Variants in LRBA observed in about 807,000 individuals in gnomAD.
The protein encoded by LRBA is LPS responsive beige-like anchor protein.
LRBA carries 176 observed loss-of-function variants against 330.0 expected under a neutral mutation model. That is an observed-to-expected ratio of 0.53 (90% CI 0.47 to 0.60). The LOEUF is 0.60. Ranked by LOEUF, LRBA falls within the 20% of genes least tolerant of loss-of-function variation. The probability of loss-of-function intolerance (pLI) is 0.00; values close to 1 mark genes in which losing one functional copy is unlikely to be tolerated. For missense variants in LRBA, 3,259 were observed against 3,444.8 expected (o/e 0.95, Z 1.35); for synonymous variants, 1,230 against 1,193.0 (o/e 1.03, Z -0.64).
Position 151,014,775 on chromosome 4 carries a change from G to A in LRBA, c.-133C>T, listed in dbSNP as rs114019473. On this transcript the variant is annotated 5_prime_UTR_variant, in exon 2 of 57. Coordinates refer to ENST00000651943, the MANE Select transcript of LRBA (RefSeq NM_001364905.1). The stretch of plus-strand genomic sequence containing the variant: ...CTTGTGGAGATACCCCAAAGCAGTT[G>A]ATGTGGAAAGTCCTTGGCGTCGCCC... 2.1e-3 allele frequency: 1,262 copies of A among 613,698 alleles called. 9 individuals carry two copies. Among genetic ancestry groups the A allele is most frequent in the African/African-American group, 0.02 (1,088 of 54,234 alleles). The allele number at this position is 613,698 out of a possible 1,614,324, so 38.0% of individuals were successfully genotyped here.
intron 37 of LRBA, among the ~76,000 whole-genome samples, chr4:150,673,792 A>G (rs1239576247): frequency 6.6e-6 from 1 of 152,246 alleles, no homozygotes; most frequent in Non-Finnish European, 1.5e-5. Flanking sequence ...GTTGGTTTTT[A>G]ATCCGGGTCC....
At chr4:150,516,968 T>C (rs1000354672) in intron 40 of LRBA, among the ~76,000 whole-genome samples, 2 of 152,176 alleles carry the variant, frequency 1.3e-5, no homozygotes, top group African/African-American at 4.8e-5. Flanking sequence ...TGAAATCCAA[T>C]GCAAATCACT....
chr4:150,968,086 C>A (rs762392448), intron 2 of LRBA, among the ~76,000 whole-genome samples: 1 of 150,068 alleles, frequency 6.7e-6, no homozygotes, highest in Non-Finnish European at 1.5e-5. Context: ...TTTACTGCAA[C>A]CTCCACCTCC....
intron 53 of LRBA, among the ~76,000 whole-genome samples, chr4:150,299,984 A>C (rs1418818565): frequency 6.6e-6 from 1 of 152,112 alleles, no homozygotes; most frequent in African/African-American, 2.4e-5. Context: ...TGACTTCAGC[A>C]GCTGCATTGT....
At position 150,350,212 on chromosome 4, in the gene LRBA, A is replaced by G. The variant is rs538298752; in HGVS notation, c.7195-53T>C. On this transcript the variant is annotated intron_variant, in intron 47 of 56. Transcript: ENST00000651943. ...ATGCTGAATTCCTTTTTAAAAATAT[A>G]GAGAGACATTTAGAGCAATCAGTAA... The G allele has an allele frequency of 2.6e-5, 34 of 1,325,074 alleles. No homozygotes were observed. In the Admixed American group the frequency reaches 2.8e-4, roughly 11 times the overall value. 82.1% of individuals were successfully genotyped at this position (1,325,074 alleles called of 1,614,324 possible).
intron 47 of LRBA, among the ~76,000 whole-genome samples, chr4:150,405,891 TG>T (rs33913211): frequency 0.46 from 69,222 of 151,484 alleles, 15,911 homozygotes; most frequent in South Asian, 0.5. Context: ...CTCATCTCTA[TG>T]AAAAATAAAA....
chr4:150,721,944 T>C (rs529777251), intron 36 of LRBA, among the ~76,000 whole-genome samples: 96 of 152,306 alleles, frequency 6.3e-4, no homozygotes, highest in African/African-American at 2.2e-3. Flanking sequence ...ACTGTGACTT[T>C]CCAAAATGGA....
intron 2 of LRBA, among the ~76,000 whole-genome samples, chr4:150,948,945 G>T (rs145704952): frequency 6.6e-6 from 1 of 151,826 alleles, no homozygotes; most frequent in Non-Finnish European, 1.5e-5. Context: ...CCAAATGCTG[G>T]TGAGGATGTG....
chr4:150,781,558 T>C (rs527345288), intron 34 of LRBA, among the ~76,000 whole-genome samples: 4 of 152,348 alleles, frequency 2.6e-5, no homozygotes, highest in Non-Finnish European at 5.9e-5. Flanking sequence ...AGACTGGTAC[T>C]GTGGCCCAGG....
At chr4:150,488,654 T>C (rs1758179779) in intron 41 of LRBA, among the ~76,000 whole-genome samples, 1 of 151,130 alleles carries the variant, frequency 6.6e-6, no homozygotes, top group East Asian at 1.9e-4. Context: ...ATTTGGTCAG[T>C]CATGGAATTT....
intron 2 of LRBA, among the ~76,000 whole-genome samples, chr4:150,993,599 T>C (rs1209022699): frequency 6.6e-6 from 1 of 152,150 alleles, no homozygotes; most frequent in Non-Finnish European, 1.5e-5. Flanking sequence ...AAAAGAAGTT[T>C]AATTGGACTT....
intron 33 of LRBA, among the ~76,000 whole-genome samples, chr4:150,800,163 T>C (rs1039038760): frequency 1.3e-5 from 2 of 152,250 alleles, no homozygotes; most frequent in Non-Finnish European, 2.9e-5. Flanking sequence ...AGCTACTTTC[T>C]AGTTGGATAT....
At chr4:150,423,900 A>C (rs1201114910) in intron 46 of LRBA, among the ~76,000 whole-genome samples, 6 of 152,218 alleles carry the variant, frequency 3.9e-5, no homozygotes, top group African/African-American at 1.4e-4. Context: ...TTTTAGGAGA[A>C]AATACGTTGT....
chr4:150,644,931 T>C (rs939968908), intron 37 of LRBA, among the ~76,000 whole-genome samples: 3 of 151,794 alleles, frequency 2.0e-5, no homozygotes, highest in African/African-American at 7.2e-5. Context: ...GTACTCTGTA[T>C]TACTCAGGTA....
intron 37 of LRBA, among the ~76,000 whole-genome samples, chr4:150,643,283 C>T (rs543354355): frequency 6.6e-6 from 1 of 151,486 alleles, no homozygotes; most frequent in African/African-American, 2.4e-5. Flanking sequence ...TAAGGAGACA[C>T]CAGTAAACAG....
chr4:150,832,521 A>G (rs944587807), intron 28 of LRBA, among the ~76,000 whole-genome samples: 5 of 152,182 alleles, frequency 3.3e-5, no homozygotes, highest in African/African-American at 1.2e-4. Context: ...GCTTGAACCC[A>G]GGAGGCAGAG....
At chr4:150,520,861 T>G (rs752571343) in intron 40 of LRBA, among the ~76,000 whole-genome samples, 4 of 152,178 alleles carry the variant, frequency 2.6e-5, no homozygotes, top group Admixed American at 6.5e-5. Context: ...AGTATACCTA[T>G]TGTATACTAT....
intron 14 of LRBA, among the ~76,000 whole-genome samples, chr4:150,898,056 T>A (rs1401016430): frequency 1.3e-5 from 2 of 152,052 alleles, no homozygotes; most frequent in African/African-American, 2.4e-5. Flanking sequence ...AAGAAGTTTG[T>A]ACTTTGAATA....
At chr4:150,679,763 G>C (rs1433913100) in intron 37 of LRBA, 2 of 152,156 alleles carry the variant, frequency 1.3e-5, no homozygotes, top group Non-Finnish European at 2.9e-5. Flanking sequence ...ATTTTGATAT[G>C]AGGTTCCGTT....
Sources: allele counts gnomAD v4.1 joint callset (sites outside exome capture counted in the v4.1 genomes callset), GRCh38; gene constraint gnomAD v4.1.1; transcripts MANE v1.5; gene names NCBI Gene and HGNC (gene_info 2026-07-23, HGNC 2026-07-21).